MTSS2: variants seen among roughly 807,000 people sequenced by gnomAD.
The protein encoded by MTSS2 is protein MTSS 2.
A neutral mutation model predicts 67.1 loss-of-function variants in MTSS2; 27 were observed. That is an observed-to-expected ratio of 0.40 (90% CI 0.30 to 0.55). The LOEUF (loss-of-function observed/expected upper bound fraction) is 0.55. Ranked by LOEUF, MTSS2 falls within the 20% of genes least tolerant of loss-of-function variation. The pLI is 0.43. For synonymous variants in MTSS2, 624 were observed against 468.6 expected, an observed-to-expected ratio of 1.33 and a Z score of -4.28; for missense variants, 1,171 against 1,067.8, an observed-to-expected ratio of 1.10 and a Z score of -1.35.
At position 70,664,337 on chromosome 16, in the gene MTSS2, G is replaced by C; in HGVS notation, c.1584C>G (p.Arg528=). Residue 528 remains arginine (R), a synonymous_variant, in exon 15 of 15, where the codon CGC becomes CGG. Transcript: ENST00000338779. ...CTGGGCGCTTGGTCTGGATCAGGCG[G>C]CGGTAGTTCTGGGCGATGTTGCTGT... ...PRNSNIAQNY[R]RLIQTKRPAS... 1 of 1,598,512 alleles carries C rather than the reference G, an allele frequency of 6.3e-7. No homozygotes were observed. Among genetic ancestry groups the C allele is most frequent in the East Asian group, 2.2e-5 (1 of 44,794 alleles).
chr16:70,664,850 C>G, intron 13 of MTSS2, 70 bp downstream of exon 13: 2 of 1,515,698 alleles, frequency 1.3e-6, no homozygotes, highest in South Asian at 2.5e-5. Flanking sequence ...TGGTTGGAGC[C>G]GGCCCTGAGG....
Position 70,664,365 on chromosome 16 carries a change from C to T in MTSS2, c.1556G>A (p.Arg519His), listed in dbSNP as rs1485305599. 5.0e-6 allele frequency: 8 copies of T among 1,590,322 alleles called. No homozygotes were observed. The highest frequency in any genetic ancestry group is 2.2e-5 in the East Asian group (1 of 44,762). Residue 519 changes from arginine (R) to histidine (H), a missense_variant, in exon 15 of 15, where the codon CGC (arginine) becomes CAC (histidine). Arg to His is a conservative substitution (Grantham distance 29). This residue lies in a region of MTSS2 where 924 missense variants were observed against 756.0 expected (regional missense o/e 1.22). Coordinates refer to ENST00000338779, the MANE Select transcript of MTSS2 (RefSeq NM_138383.3). ...GTAGTTCTGGGCGATGTTGCTGTTG[C>T]GCGGGATGGTGGATGACTTGTCAAA... ...PEFDKSSTIP[R>H]NSNIAQNYRR...
In MTSS2 at chr16:70,664,439, G is replaced by A. The variant is rs375240094; in HGVS notation, c.1482C>T (p.Tyr494=). Residue 494 remains tyrosine, a synonymous_variant, in exon 15 of 15, where the codon TAC becomes TAT. Transcript: ENST00000338779. Reference sequence around the variant, plus strand: ...CATCCCCATTCACGGAGTAGCAGTCGTAGTCGGAGCCTGGGGGCACGGGAC... The same window carrying A: ...CATCCCCATTCACGGAGTAGCAGTCATAGTCGGAGCCTGGGGGCACGGGAC... ...EDTIPSQGSD[Y]DCYSVNGDAD... The A allele has an allele frequency of 9.1e-6, 14 of 1,538,042 alleles. No homozygotes were observed. The highest frequency in any genetic ancestry group is 2.7e-5 in the African/African-American group (2 of 72,880).
chr16:70,664,539 C>T (rs879566534), intron 14 of MTSS2, 59 bp downstream of exon 14: 260 of 1,586,680 alleles, frequency 1.6e-4, no homozygotes, highest in Middle Eastern at 2.0e-4. Flanking sequence ...AAGGACGGGG[C>T]CCTCCTGGAT....
chr16:70,664,093 C>T lies in MTSS2; in HGVS notation c.1828G>A (p.Ala610Thr), dbSNP rs1322728148. The T allele has an allele frequency of 1.2e-6, 2 of 1,611,882 alleles. No homozygotes were observed. Among genetic ancestry groups the T allele is most frequent in the African/African-American group, 1.3e-5 (1 of 75,044 alleles). ...DSPGYMGPTR[A>T]GSEECVFYTD... ...TAGAAGACGCACTCCTCACTGCCCG[C>T]CCGTGTGGGCCCCATGTAGCCGGGG... is the stretch of plus-strand genomic sequence containing the variant. Residue 610 changes from alanine to threonine, a missense_variant, in exon 15 of 15, where the codon GCG (alanine) becomes ACG (threonine). Coordinates refer to ENST00000338779, the MANE Select transcript of MTSS2 (RefSeq NM_138383.3).
Position 70,661,670 on chromosome 16 carries a change from A to G in MTSS2, c.*2007T>C, listed in dbSNP as rs2151895647. The G allele has an allele frequency of 3.0e-6, 1 of 330,066 alleles. No individual in the cohort carries two copies. Among genetic ancestry groups the G allele is most frequent in the Non-Finnish European group, 5.9e-6 (1 of 170,176 alleles). The allele number at this position is 330,066 out of a possible 1,614,324, so 20.4% of individuals were successfully genotyped here. A position where few individuals can be genotyped will look rare whatever the true frequency, so the allele number is the denominator to read the frequency against. On this transcript the variant is annotated 3_prime_UTR_variant, in exon 15 of 15. Coordinates refer to ENST00000338779, the MANE Select transcript of MTSS2 (RefSeq NM_138383.3). ...GGTGGTCTCAGGGATGGACAAGGGG[A>G]TGGAGTAGAGTATGTACAGCCCCCG...
rs554258895 is a variant in MTSS2 at position 70,663,641 on chromosome 16, G to C, written c.*36C>G. ...GGCTCACAGACCAGGCCACCTGCTC[G>C]CACTGGGGCCTGAGAGGATGGGGAG... On this transcript the variant is annotated 3_prime_UTR_variant, in exon 15 of 15. Coordinates refer to ENST00000338779, the MANE Select transcript of MTSS2 (RefSeq NM_138383.3). 4.6e-6 allele frequency: 7 copies of C among 1,520,570 alleles called. No homozygotes were observed. Among genetic ancestry groups the C allele is most frequent in the Admixed American group, 4.3e-5 (2 of 46,732 alleles). The allele number at this position is 1,520,570 out of a possible 1,614,324, so 94.2% of individuals were successfully genotyped here. A position where few individuals can be genotyped will look rare whatever the true frequency, so the allele number is the denominator to read the frequency against.
intron 9 of MTSS2, 23 bp from the exon 10 acceptor site, chr16:70,677,001 G>T (rs747632006): frequency 1.3e-6 from 2 of 1,590,986 alleles, no homozygotes; most frequent in Non-Finnish European, 1.7e-6. Context: ...ATGGATGGGG[G>T]TCACTGGAGG....
intron 10 of MTSS2, among the ~76,000 whole-genome samples, chr16:70,675,756 T>C (rs2053097718): frequency 6.6e-6 from 1 of 152,246 alleles, no homozygotes; most frequent in South Asian, 2.1e-4. Context: ...AATCTGGTAT[T>C]TGCCATCCAG....
chr16:70,668,940 T>C lies in MTSS2; in HGVS notation c.1054-3400A>G, dbSNP rs563764923. Among the ~76,000 whole-genome samples the C allele has an allele frequency of 4.1e-4, 63 of 152,286 alleles. 1 individual carries two copies. The South Asian group carries it at 0.013, about 31-fold the overall frequency. ...GTCCAAATTGACTAAGACAGATTTT[T>C]TTTTTCAATACACTGTTCTGGGTCA... On this transcript the variant is annotated intron_variant, in intron 11 of 14. Transcript: ENST00000338779.
rs908107855 is a variant in MTSS2, at chr16:70,679,329, G to A, written c.458-6C>T. ...ATTTGACTTACCAAGTAGCTCTACA[G>A]GAAGGATGTGGGAGGAGAGGAGGAG... On this transcript the variant is annotated splice_region_variant and splice_polypyrimidine_tract_variant and intron_variant, in intron 6 of 14. Coordinates refer to ENST00000338779, the MANE Select transcript of MTSS2 (RefSeq NM_138383.3). The A allele has an allele frequency of 6.2e-7, 1 of 1,613,972 alleles. No individual in the cohort carries two copies. Among genetic ancestry groups the A allele is most frequent in the South Asian group, 1.1e-5 (1 of 91,080 alleles).
Position 70,663,845 on chromosome 16 carries a change from C to A in MTSS2, c.2076G>T (p.Gln692His). ...VAGAHALGEG[Q>H]FPFPTALSAT... ...CCGACAGAGCAGTGGGGAAGGGGAA[C>A]TGGCCCTCACCCAGTGCGTGGGCAC... The change falls in exon 15 of 15, where the codon CAG becomes CAT. Residue 692 changes from glutamine to histidine, a missense_variant. Around this residue, in one of 2 missense-constraint regions of MTSS2, gnomAD observed 924 missense variants for 756.0 expected, o/e 1.22. Coordinates refer to ENST00000338779, the MANE Select transcript of MTSS2 (RefSeq NM_138383.3). 6.5e-7 allele frequency: 1 copy of A among 1,541,052 alleles called. No homozygotes were observed. Among genetic ancestry groups the A allele is most frequent in the South Asian group, 1.2e-5 (1 of 83,716 alleles).
At chr16:70,671,351 A>G (rs1398938474) in intron 11 of MTSS2, among the ~76,000 whole-genome samples, 1 of 151,820 alleles carries the variant, frequency 6.6e-6, no homozygotes, top group Non-Finnish European at 1.5e-5. Context: ...TGCAGTAGCC[A>G]AGATCGCACC....
rs554258895 is a variant in MTSS2, at chr16:70,663,641, G to A, written c.*36C>T. 36 of 1,520,570 alleles carry A rather than the reference G, an allele frequency of 2.4e-5. No individual in the cohort carries two copies. The highest frequency in any genetic ancestry group is 3.9e-4 in the Middle Eastern group (2 of 5,094). The allele number at this position is 1,520,570 out of a possible 1,614,324, so 94.2% of individuals were successfully genotyped here. ...GGCTCACAGACCAGGCCACCTGCTC[G>A]CACTGGGGCCTGAGAGGATGGGGAG... On this transcript the variant is annotated 3_prime_UTR_variant, in exon 15 of 15. Transcript: ENST00000338779.
chr16:70,661,805 C>T lies in MTSS2; in HGVS notation c.*1872G>A. The T allele has an allele frequency of 5.5e-6, 1 of 181,460 alleles. No homozygotes were observed. Among genetic ancestry groups the T allele is most frequent in the African/African-American group, 2.4e-5 (1 of 41,782 alleles). The allele number at this position is 181,460 out of a possible 1,614,324, so 11.2% of individuals were successfully genotyped here. A position where few individuals can be genotyped will look rare whatever the true frequency, so the allele number is the denominator to read the frequency against. On this transcript the variant is annotated 3_prime_UTR_variant, in exon 15 of 15. Transcript: ENST00000338779. ...CCATCAGGACCTCTGACGCCCAGGT[C>T]TGCCCACCCACTGCCCCTCACTCTA...
rs919215698 is a variant in MTSS2, at chr16:70,661,302, G to T, written c.*2375C>A. The stretch of plus-strand genomic sequence containing the variant: ...TTAAATCGGGGAGGATGGTGTGGAG[G>T]GGGCGGGGAGGAGAGGAGAATTTTT... On this transcript the variant is annotated 3_prime_UTR_variant, in exon 15 of 15. Transcript: ENST00000338779. 1 of 455,358 alleles carries T rather than the reference G, an allele frequency of 2.2e-6. No homozygotes were observed. Among genetic ancestry groups the T allele is most frequent in the East Asian group, 7.0e-5 (1 of 14,344 alleles). 28.2% of individuals were successfully genotyped at this position (455,358 alleles called of 1,614,324 possible). A position where few individuals can be genotyped will look rare whatever the true frequency, so the allele number is the denominator to read the frequency against.
rs182692843 is a variant in MTSS2 at position 70,684,970 on chromosome 16, G to C, written c.69+753C>G. Among the ~76,000 whole-genome samples, 821 of 152,336 alleles carry C rather than the reference G, an allele frequency of 5.4e-3. 3 individuals carry two copies. The highest frequency in any genetic ancestry group is 0.017 in the Middle Eastern group (5 of 294). Reference sequence around the variant, plus strand: ...CAGTTTCCCCACCTGGTGGGGTGAGGAATGAATGGGTGGTTGGATCCAGCC... The same window carrying C: ...CAGTTTCCCCACCTGGTGGGGTGAGCAATGAATGGGTGGTTGGATCCAGCC... On this transcript the variant is annotated intron_variant, in intron 1 of 14. Coordinates refer to ENST00000338779, the MANE Select transcript of MTSS2 (RefSeq NM_138383.3).
intron 11 of MTSS2, among the ~76,000 whole-genome samples, chr16:70,666,460 C>T (rs2054183): frequency 2.6e-5 from 4 of 152,140 alleles, no homozygotes; most frequent in East Asian, 3.9e-4. Context: ...CATGTGTGAC[C>T]GGCAGGGTTC....
At chr16:70,678,177 A>G in intron 8 of MTSS2, 75 bp downstream of exon 8, 1 of 1,501,592 alleles carries the variant, frequency 6.7e-7, no homozygotes, top group Non-Finnish European at 8.9e-7. Flanking sequence ...CTGAGAAGTG[A>G]CCCTTCTTGG....
Sources: gnomAD v4.1 joint callset for allele counts (sites outside exome capture counted in the v4.1 genomes callset) on GRCh38, gnomAD v4.1.1 for gene constraint, gnomAD v4.1.1 regional missense constraint, MANE v1.5 for transcripts, NCBI Gene and HGNC (gene_info 2026-07-23, HGNC 2026-07-21) for gene names.